Variants in AACS observed in about 807,000 individuals in gnomAD.
AACS encodes the protein acetoacetyl-CoA synthetase.
A neutral mutation model predicts 83.1 loss-of-function variants in AACS; 69 were observed. The ratio of observed to expected loss-of-function variants is 0.83; its 90% CI spans 0.68 to 1.01. AACS has a LOEUF of 1.01. AACS is among the 50% of genes least tolerant of loss of function. The probability of loss-of-function intolerance (pLI) is 0.00; values close to 1 mark genes in which losing one functional copy is unlikely to be tolerated. For missense variants in AACS, 866 were observed against 882.2 expected, an observed-to-expected ratio of 0.98 and a Z score of 0.23; for synonymous variants, 333 against 343.4, an observed-to-expected ratio of 0.97 and a Z score of 0.33.
At position 125,136,808 on chromosome 12, in the gene AACS, A is replaced by C. The variant is rs1422000205; in HGVS notation, c.1825A>C (p.Met609Leu). Residue 609 changes from methionine (M) to leucine (L), a missense_variant, in exon 17 of 18, where the codon ATG becomes CTG. Physicochemically the swap from Met to Leu is conservative, Grantham distance 15 (BLOSUM62 2). Coordinates refer to ENST00000316519, the MANE Select transcript of AACS (RefSeq NM_023928.5). ...LVKRIRDAIR[M>L]GLSARHVPSL... ...TAAGAGGATCCGTGACGCCATCCGC[A>C]TGGGCTTGTCTGCGCGACACGTGCC... is the stretch of plus-strand genomic sequence containing the variant. 6.2e-7 allele frequency: 1 copy of C among 1,614,038 alleles called. No individual in the cohort carries two copies. Among genetic ancestry groups the C allele is most frequent in the East Asian group, 2.2e-5 (1 of 44,862 alleles).
At chr12:125,075,945 A>G (rs1956010885) in intron 2 of AACS, among the ~76,000 whole-genome samples, 1 of 152,190 alleles carries the variant, frequency 6.6e-6, no homozygotes, top group Non-Finnish European at 1.5e-5. Context: ...TCAATTCCTT[A>G]CACTGTAAAT....
chr12:125,067,234 C>G (rs1056992625), intron 1 of AACS, among the ~76,000 whole-genome samples: 2 of 152,202 alleles, frequency 1.3e-5, no homozygotes, highest in Admixed American at 1.3e-4. Context: ...CCCTTGGAGA[C>G]AGGTGTAGTC....
chr12:125,137,872 C>A (rs1036482717), intron 17 of AACS, among the ~76,000 whole-genome samples: 2 of 152,180 alleles, frequency 1.3e-5, no homozygotes, highest in African/African-American at 4.8e-5. Context: ...CCAGGGGAAG[C>A]TGACTTTGAT....
At chr12:125,089,160 G>A (rs915737490) in intron 4 of AACS, among the ~76,000 whole-genome samples, 11 of 152,176 alleles carry the variant, frequency 7.2e-5, no homozygotes, top group Non-Finnish European at 1.5e-5. Flanking sequence ...TTCAGTTTAC[G>A]CTCATAGCCA....
At chr12:125,105,960 C>T (rs987217005) in intron 7 of AACS, among the ~76,000 whole-genome samples, 2 of 152,192 alleles carry the variant, frequency 1.3e-5, no homozygotes, top group Non-Finnish European at 2.9e-5. Context: ...GTTTTCCTGA[C>T]ATGCTGGAGC....
At position 125,115,247 on chromosome 12, in the gene AACS, G is replaced by A. The variant is rs137877644; in HGVS notation, c.996+690G>A. Among the ~76,000 whole-genome samples, 365 of 151,450 alleles carry A rather than the reference G, an allele frequency of 2.4e-3. 1 individual carries two copies. The highest frequency in any genetic ancestry group is 0.014 in the Middle Eastern group (4 of 292). ...GATCTAGCTACAGGTCCTAGGTGAT[G>A]CTTCTGTGCTGAGTTTTTTTTTTTT... On this transcript the variant is annotated intron_variant, in intron 9 of 17. Coordinates refer to ENST00000316519, the MANE Select transcript of AACS (RefSeq NM_023928.5).
chr12:125,115,503 G>A (rs557156321), intron 9 of AACS, among the ~76,000 whole-genome samples: 92 of 152,160 alleles, frequency 6.0e-4, no homozygotes, highest in African/African-American at 2.1e-3. Context: ...CTTGTGGTCC[G>A]CCCGCCTCAG....
At chr12:125,133,625 C>T (rs924659228) in intron 14 of AACS, among the ~76,000 whole-genome samples, 1 of 152,262 alleles carries the variant, frequency 6.6e-6, no homozygotes, top group African/African-American at 2.4e-5. Context: ...CCCTCCACTG[C>T]CCCTGGCCAC....
intron 10 of AACS, chr12:125,120,889 TG>T (rs1957142511): frequency 6.6e-6 from 1 of 152,292 alleles, no homozygotes. Flanking sequence ...TAAGTGCAAG[TG>T]AGTGCATGGA....
chr12:125,070,633 C>T (rs1420747807), intron 1 of AACS, among the ~76,000 whole-genome samples: 1 of 152,150 alleles, frequency 6.6e-6, no homozygotes, highest in Non-Finnish European at 1.5e-5. Flanking sequence ...CAGACAGGTG[C>T]CCAAGATAAT....
At chr12:125,135,755 ATTTT>A (rs1267530148) in intron 16 of AACS, 1 of 151,660 alleles carries the variant, frequency 6.6e-6, no homozygotes, top group Non-Finnish European at 1.5e-5. Context: ...TTTTAAAAAA[ATTTT>A]TTTTTGAGAC....
intron 10 of AACS, 35 bp from the exon 11 acceptor site, chr12:125,124,670 A>G (rs1292359339): frequency 6.2e-7 from 1 of 1,610,806 alleles, no homozygotes; most frequent in African/African-American, 1.3e-5. Context: ...AGCCTTGAAG[A>G]GTTTCTGGTG....
chr12:125,108,711 A>T (rs1956885894), intron 8 of AACS, among the ~76,000 whole-genome samples: 1 of 151,926 alleles, frequency 6.6e-6, no homozygotes, highest in South Asian at 2.1e-4. Context: ...TCTGTCGCCC[A>T]GACTGGAGTG....
chr12:125,111,457 C>T (rs116589289), intron 8 of AACS, among the ~76,000 whole-genome samples: 105 of 152,298 alleles, frequency 6.9e-4, no homozygotes, highest in African/African-American at 2.4e-3. Context: ...ATAGCTTGCT[C>T]ATAAAATGAT....
Position 125,140,500 on chromosome 12 carries a change from A to T in AACS, c.1882-1592A>T, listed in dbSNP as rs1301722043. The T allele has an allele frequency of 1.3e-5, 2 of 152,214 alleles. No homozygotes were observed. The highest frequency in any genetic ancestry group is 3.8e-4 in the East Asian group (2 of 5,198). The allele number at this position is 152,214 out of a possible 1,614,324, so 9.4% of individuals were successfully genotyped here. A position where few individuals can be genotyped will look rare whatever the true frequency, so the allele number is the denominator to read the frequency against. On this transcript the variant is annotated intron_variant, in intron 17 of 17. Transcript: ENST00000316519. The surrounding 1 kb of genome is among the most constrained non-coding windows in gnomAD (Gnocchi z 5.1). ...GCATCTCACAGCGGGAGGGCCGGCG[A>T]CATCACATGAAGTGACAGGCAGGCC...
chr12:125,141,009 T>C (rs1957479645), intron 17 of AACS: 1 of 152,286 alleles, frequency 6.6e-6, no homozygotes, highest in Non-Finnish European at 1.5e-5. Context: ...TAGGCACTTC[T>C]GAAGCTGTGT....
At chr12:125,068,838 G>A (rs927455429) in intron 1 of AACS, among the ~76,000 whole-genome samples, 3 of 118,842 alleles carry the variant, frequency 2.5e-5, no homozygotes, top group African/African-American at 6.1e-5. Context: ...GTATTTGTGA[G>A]CATTCTTTTT....
intron 5 of AACS, among the ~76,000 whole-genome samples, chr12:125,091,725 C>G (rs970779834): frequency 5.9e-5 from 9 of 152,260 alleles, no homozygotes; most frequent in African/African-American, 1.9e-4. Flanking sequence ...GACGTTCCCC[C>G]ACTCCTCGCC....
chr12:125,128,708 G>C (rs1957284200), intron 13 of AACS: 1 of 157,932 alleles, frequency 6.3e-6, no homozygotes, highest in East Asian at 1.9e-4. Context: ...GCTCTGCAGA[G>C]CAATGTGGGA....
Sources: allele counts gnomAD v4.1 joint callset (sites outside exome capture counted in the v4.1 genomes callset), GRCh38; gene constraint gnomAD v4.1.1; non-coding constraint Gnocchi (gnomAD v3.1); transcripts MANE v1.5; gene names NCBI Gene and HGNC (gene_info 2026-07-23, HGNC 2026-07-21).